The following ACSS3 variants were observed in gnomAD, a reference collection of about 807,000 sequenced individuals.
ACSS3 encodes the protein acyl-CoA synthetase short chain family member 3.
Under a neutral mutation model 84.2 loss-of-function variants are expected in ACSS3, and 64 were observed. The ratio of observed to expected loss-of-function variants is 0.76; its 90% confidence interval spans 0.62 to 0.94. ACSS3 has a LOEUF of 0.94. Among genes scored for constraint, ACSS3 ranks in the 40% least tolerant of loss-of-function variants. The pLI, the probability that ACSS3 is intolerant of heterozygous loss-of-function variation, is 0.00. For missense variants in ACSS3, 815 were observed against 867.6 expected (o/e 0.94, Z 0.76); for synonymous variants, 317 against 310.1 (o/e 1.02, Z -0.23).
intron 7 of ACSS3, among the ~76,000 whole-genome samples, chr12:81,164,890 T>C (rs943157778): frequency 1.3e-5 from 2 of 152,216 alleles, no homozygotes; most frequent in Admixed American, 6.5e-5. Flanking sequence ...CAAGTAGCCA[T>C]GATTCTGCTA....
At chr12:81,118,498 C>T (rs1884253079) in intron 2 of ACSS3, among the ~76,000 whole-genome samples, 2 of 152,144 alleles carry the variant, frequency 1.3e-5, no homozygotes, top group Non-Finnish European at 2.9e-5. Context: ...CTACACACAT[C>T]CCATTTGGCC....
At position 81,093,593 on chromosome 12, in the gene ACSS3, G is replaced by GT. The variant is rs1881817634; in HGVS notation, c.311+15164dup. Among the ~76,000 whole-genome samples the GT allele has an allele frequency of 2.0e-5, 3 of 149,852 alleles. No individual in the cohort carries two copies. The South Asian group carries it at 6.3e-4, about 31-fold the overall frequency. ...CAAATATCTTGCTATATTAGGTATA[G>GT]TTCCCTTCAGTGTTTTTTTTTTGGA... On this transcript the variant is annotated intron_variant, in intron 1 of 15. Coordinates refer to ENST00000548058, the MANE Select transcript of ACSS3 (RefSeq NM_024560.4).
At chr12:81,190,418 G>T (rs574146515) in intron 8 of ACSS3, among the ~76,000 whole-genome samples, 3 of 151,936 alleles carry the variant, frequency 2.0e-5, no homozygotes, top group African/African-American at 7.2e-5. Flanking sequence ...TGCATTGTTT[G>T]GTCCTGATAT....
At position 81,100,102 on chromosome 12, in the gene ACSS3, G is replaced by A. The variant is rs959546116; in HGVS notation, c.312-9458G>A. Among the ~76,000 whole-genome samples, 4 of 152,054 alleles carry A rather than the reference G, an allele frequency of 2.6e-5. No individual in the cohort carries two copies. In the South Asian group the frequency reaches 8.3e-4, roughly 32 times the overall value. On this transcript the variant is annotated intron_variant, in intron 1 of 15. Transcript: ENST00000548058. ...TCAGGGTAGGCTAAGGTGAAGAAGAGAACAAATCAGATTCAAGCAAGAGTC... is the reference window on the plus strand; with the variant it reads ...TCAGGGTAGGCTAAGGTGAAGAAGAAAACAAATCAGATTCAAGCAAGAGTC...
At chr12:81,112,868 G>T (rs1434496321) in intron 2 of ACSS3, among the ~76,000 whole-genome samples, 2 of 152,104 alleles carry the variant, frequency 1.3e-5, no homozygotes, top group African/African-American at 2.4e-5. Context: ...TTTAATTAAT[G>T]AGCCAACAAG....
intron 13 of ACSS3, among the ~76,000 whole-genome samples, chr12:81,238,207 T>G (rs953310749): frequency 1.3e-5 from 2 of 151,750 alleles, no homozygotes; most frequent in Non-Finnish European, 1.5e-5. Context: ...TGGGGTAAAT[T>G]CCACCTGGTC....
At chr12:81,129,109 C>G (rs577889084) in intron 2 of ACSS3, among the ~76,000 whole-genome samples, 2 of 152,136 alleles carry the variant, frequency 1.3e-5, no homozygotes, top group East Asian at 3.9e-4. Flanking sequence ...CAAGCAAGGC[C>G]AAATAGACTC....
Position 81,255,873 on chromosome 12 carries a change from A to G in ACSS3, c.*951A>G, listed in dbSNP as rs2034278769. The G allele has an allele frequency of 6.6e-6, 1 of 152,208 alleles. No individual in the cohort carries two copies. Among genetic ancestry groups the G allele is most frequent in the Non-Finnish European group, 1.5e-5 (1 of 68,056 alleles). 9.4% of individuals were successfully genotyped at this position (152,208 alleles called of 1,614,324 possible). ...CATTTAGTCCAATCTCTTCATGGAG[A>G]TGAGGGCTCCTGGGAGCCCCTCTTC... is the stretch of plus-strand genomic sequence containing the variant. On this transcript the variant is annotated 3_prime_UTR_variant, in exon 16 of 16. Transcript: ENST00000548058.
chr12:81,195,146 T>C (rs964783711), intron 8 of ACSS3, among the ~76,000 whole-genome samples: 3 of 152,058 alleles, frequency 2.0e-5, no homozygotes, highest in African/African-American at 2.4e-5. Flanking sequence ...TTGCCTACAC[T>C]GCTGGGATCA....
chr12:81,173,820 C>T (rs2030263130), intron 7 of ACSS3, among the ~76,000 whole-genome samples: 1 of 152,114 alleles, frequency 6.6e-6, no homozygotes, highest in African/African-American at 2.4e-5. Context: ...ATATTAGATA[C>T]AGTTACCCTT....
intron 8 of ACSS3, among the ~76,000 whole-genome samples, chr12:81,194,516 G>A (rs923955669): frequency 6.6e-6 from 1 of 151,732 alleles, no homozygotes; most frequent in Admixed American, 6.6e-5. Flanking sequence ...TTTTTCCTTT[G>A]CATTCAATAA....
At position 81,213,965 on chromosome 12, in the gene ACSS3, T is replaced by TTCTTTCTTTCTTTCTTTCTTTCTTTCTC. The variant is rs2032788599; in HGVS notation, c.1355-2909_1355-2908insCTCTTTCTTTCTTTCTTTCTTTCTTTCT. 1.0e-4 allele frequency among the ~76,000 whole-genome samples: 2 copies of TTCTTTCTTTCTTTCTTTCTTTCTTTCTC among 19,306 alleles called. 1 individual carries two copies. The highest frequency in any genetic ancestry group is 3.3e-4 in the Non-Finnish European group (2 of 6,030). The allele number at this position is 19,306 out of a possible 152,430, so 12.7% of individuals were successfully genotyped here. ...TCTCTCTCTCCCTCTCTCTCTTTCT[T>TTCTTTCTTTCTTTCTTTCTTTCTTTCTC]TCTTTCTTTCTTTCTTTCTTTCTTT... On this transcript the variant is annotated intron_variant, in intron 9 of 15. Transcript: ENST00000548058.
chr12:81,199,559 A>G, intron 9 of ACSS3, 115 bp downstream of exon 9: 1 of 1,457,910 alleles, frequency 6.9e-7, no homozygotes, highest in Non-Finnish European at 9.3e-7. Context: ...TCGGGATTCG[A>G]GTGGTTCAGG....
At chr12:81,191,570 T>C (rs2031572938) in intron 8 of ACSS3, among the ~76,000 whole-genome samples, 1 of 152,152 alleles carries the variant, frequency 6.6e-6, no homozygotes, top group African/African-American at 2.4e-5. Flanking sequence ...AGAAGTGACA[T>C]TATGGGAAGG....
chr12:81,135,987 T>C (rs1885778368), intron 3 of ACSS3, among the ~76,000 whole-genome samples: 1 of 152,158 alleles, frequency 6.6e-6, no homozygotes, highest in South Asian at 2.1e-4. Flanking sequence ...TCATTCAACA[T>C]ATATTTTATT....
At chr12:81,184,606 CAAAAT>C (rs995736696) in intron 8 of ACSS3, among the ~76,000 whole-genome samples, 3 of 151,494 alleles carry the variant, frequency 2.0e-5, no homozygotes, top group Non-Finnish European at 4.4e-5. Flanking sequence ...ACAGGCTTCT[CAAAAT>C]AAAGAGGATC....
At chr12:81,103,521 C>T (rs200609969) in intron 1 of ACSS3, among the ~76,000 whole-genome samples, 1 of 152,038 alleles carries the variant, frequency 6.6e-6, no homozygotes, top group East Asian at 1.9e-4. Flanking sequence ...TCTAGTCAGT[C>T]GCAGTAAACC....
chr12:81,230,974 C>T, intron 11 of ACSS3, 83 bp from the exon 12 acceptor site: 1 of 1,019,518 alleles, frequency 9.8e-7, no homozygotes, highest in Non-Finnish European at 1.5e-6. Flanking sequence ...AATTATCTGT[C>T]ACAGTAGAAA....
chr12:81,142,822 G>A (rs868209386), intron 4 of ACSS3, among the ~76,000 whole-genome samples: 6 of 152,124 alleles, frequency 3.9e-5, no homozygotes, highest in Non-Finnish European at 7.4e-5. Flanking sequence ...GAGTGTTGAT[G>A]GAAACATTAC....
Sources: allele counts gnomAD v4.1 joint callset (sites outside exome capture counted in the v4.1 genomes callset), GRCh38; gene constraint gnomAD v4.1.1; transcripts MANE v1.5; gene names NCBI Gene and HGNC (gene_info 2026-07-23, HGNC 2026-07-21).